The following PIGQ variants were observed in gnomAD, a reference collection of about 807,000 sequenced individuals.
PIGQ encodes phosphatidylinositol glycan anchor biosynthesis class Q.
Under a neutral mutation model 60.3 loss-of-function variants are expected in PIGQ, and 54 were observed. The ratio of observed to expected loss-of-function variants is 0.90; its 90% CI spans 0.72 to 1.12. The LOEUF is 1.12. Among genes scored for constraint, PIGQ ranks in the 50% most tolerant of loss-of-function variants. The pLI is 0.00. For synonymous variants in PIGQ, 416 were observed against 363.7 expected, an observed-to-expected ratio of 1.14 and a Z score of -1.64; for missense variants, 799 against 793.5, an observed-to-expected ratio of 1.01 and a Z score of -0.08.
chr16:578,913 T>C lies in PIGQ; in HGVS notation c.1198T>C (p.Tyr400His). The stretch of plus-strand genomic sequence containing the variant: ...TATCGCCCTCCTCACCTTCCACATC[T>C]ACTGCTTTTACGTCTATGGAGCCAG... ...DIIALLTFHI[Y>H]CFYVYGARLY... The change falls in exon 6 of 11, where the codon TAC becomes CAC. Residue 400 changes from tyrosine to histidine, a missense_variant. Coordinates refer to ENST00000321878, the MANE Select transcript of PIGQ (RefSeq NM_004204.5). The C allele has an allele frequency of 6.2e-7, 1 of 1,611,974 alleles. No homozygotes were observed. Among genetic ancestry groups the C allele is most frequent in the Non-Finnish European group, 8.5e-7 (1 of 1,179,174 alleles).
chr16:571,711 A>G (rs1256525006), intron 1 of PIGQ, among the ~76,000 whole-genome samples: 3 of 150,880 alleles, frequency 2.0e-5, no homozygotes, highest in Non-Finnish European at 2.9e-5. Context: ...CTTCTCTTTC[A>G]TCTTCCTCTG....
chr16:576,609 G>GCCAGGGTCATGAAACCTTTCCTGT (rs1299032166), intron 4 of PIGQ: 2 of 481,720 alleles, frequency 4.2e-6, no homozygotes, highest in African/African-American at 3.9e-5. Context: ...CCTCTGCAGA[G>GCCAGGGTCATGAAACCTTTCCTGT]CCAGGGTCAT....
At chr16:571,034 C>CACCGTGGCTAGCCTGGT (rs2035609087) in intron 1 of PIGQ, among the ~76,000 whole-genome samples, 1 of 124,962 alleles carries the variant, frequency 8.0e-6, no homozygotes, top group East Asian at 2.4e-4. Flanking sequence ...GCTAGCCTGG[C>CACCGTGGCTAGCCTGGT]GCCCGTGTGT....
chr16:574,114 A>G lies in PIGQ; in HGVS notation c.40A>G (p.Thr14Ala), dbSNP rs2071979. 720,895 of 1,609,226 alleles carry G rather than the reference A, an allele frequency of 0.45. 166,056 individuals are homozygous for G. Among genetic ancestry groups the G allele is most frequent in the East Asian group, 0.66 (29,718 of 44,810 alleles). Residue 14 changes from threonine to alanine, a missense_variant, in exon 2 of 11, where the codon ACG (threonine) becomes GCG (alanine). Coordinates refer to ENST00000321878, the MANE Select transcript of PIGQ (RefSeq NM_004204.5). ...CTTCTTCCCCACGTGCTGCGTCTCG[A>G]CGGACAGCGGGCTGCTGGTGGGACG... Reference protein sequence around the residue: ...KAFFPTCCVSTDSGLLVGRWV... With the variant: ...KAFFPTCCVSADSGLLVGRWV...
intron 4 of PIGQ, 175 bp from the exon 5 acceptor site, chr16:578,204 C>A: frequency 1.6e-6 from 1 of 627,018 alleles, no homozygotes; most frequent in African/African-American, 1.8e-5. Context: ...CTCCTCAGAC[C>A]CCAATCCCGG....
In PIGQ at chr16:578,867, CCT is replaced by C; in HGVS notation, c.1153_1154del (p.Leu385ValfsTer57). 6.2e-7 allele frequency: 1 copy of C among 1,613,832 alleles called. No individual in the cohort carries two copies. The highest frequency in any genetic ancestry group is 8.5e-7 in the Non-Finnish European group (1 of 1,179,956). ...CGGCCTGCCTGGGCCTGACGGTGGC[CCT>C]GTCCCTCCTCTCGGACATTATCGCC... ...LSACLGLTVA[L>X]SLLSDIIALL... is the part of the protein sequence containing the mutation. On this transcript the variant is annotated frameshift_variant, in exon 6 of 11. Transcript: ENST00000321878. LOFTEE classifies it high-confidence loss of function.
chr16:580,329 TGGGA>T, intron 8 of PIGQ, 66 bp downstream of exon 8: 2 of 1,292,518 alleles, frequency 1.5e-6, no homozygotes, highest in Non-Finnish European at 2.2e-6. Flanking sequence ...CAGCGCTGCC[TGGGA>T]GCAGTCAGCT....
intron 2 of PIGQ, 36 bp from the exon 3 acceptor site, chr16:575,803 G>C (rs1040618846): frequency 6.5e-7 from 1 of 1,545,844 alleles, no homozygotes; most frequent in African/African-American, 1.4e-5. Context: ...GGAGGATCTG[G>C]AGAGGGACAC....
At chr16:582,704 G>A (rs1420549593) in intron 10 of PIGQ, 179 bp from the exon 11 acceptor site, 11 of 715,018 alleles carry the variant, frequency 1.5e-5, no homozygotes, top group Non-Finnish European at 2.1e-5. Context: ...TCCCCCCAGC[G>A]CTCCCTTCTG....
At chr16:579,280 C>T (rs936217589) in intron 7 of PIGQ, 100 bp downstream of exon 7, 23 of 887,246 alleles carry the variant, frequency 2.6e-5, no homozygotes, top group Admixed American at 6.1e-5. Flanking sequence ...AGCCTGCTCC[C>T]GTCCTGCAGC....
At chr16:574,847 G>A (rs757591521) in intron 2 of PIGQ, 84 bp downstream of exon 2, 365 of 1,078,830 alleles carry the variant, frequency 3.4e-4, no homozygotes, top group Non-Finnish European at 4.6e-4. Flanking sequence ...GGGCACAGAG[G>A]CCCAGATGCG....
chr16:573,989 C>T (rs898755571), intron 1 of PIGQ, 77 bp from the exon 2 acceptor site: 11 of 1,027,558 alleles, frequency 1.1e-5, no homozygotes, highest in South Asian at 3.2e-5. Context: ...CCTGTCAGGC[C>T]GTCTGTGCAA....
rs112667694 is a variant in PIGQ, at chr16:578,432, C to T, written c.996C>T (p.Ala332=). 2,755 of 1,612,512 alleles carry T rather than the reference C, an allele frequency of 1.7e-3. 2 individuals carry two copies. The highest frequency in any genetic ancestry group is 2.2e-3 in the Non-Finnish European group (2,603 of 1,179,836). The change falls in exon 5 of 11, where the codon GCC becomes GCT. Residue 332 remains alanine, a synonymous_variant. Transcript: ENST00000321878. ...HLLQWLMGAP[A]GLKMNRALDQ... ...TGCAGTGGCTGATGGGTGCTCCCGC[C>T]GGGCTCAAGATGAACCGTGCACTGG...
chr16:572,090 GT>G (rs777447390), intron 1 of PIGQ, among the ~76,000 whole-genome samples: 2 of 152,170 alleles, frequency 1.3e-5, no homozygotes, highest in African/African-American at 2.4e-5. Context: ...GTTTTCCTTA[GT>G]CCCTGTGAAA....
rs147905228 is a variant in PIGQ at position 575,947 on chromosome 16, G to T, written c.798G>T (p.Ala266=). 6.3e-7 allele frequency: 1 copy of T among 1,585,362 alleles called. No homozygotes were observed. The highest frequency in any genetic ancestry group is 8.6e-7 in the Non-Finnish European group (1 of 1,166,292). ...HLTLIFSTRK[A]ENPAQLMRKA... ...CGCTAATCTTCAGTACACGGAAGGC[G>T]GAGAACCCTGCCCAGCTGATGAGGT... Residue 266 remains alanine (A), a synonymous_variant, in exon 3 of 11, where the codon GCG becomes GCT. Coordinates refer to ENST00000321878, the MANE Select transcript of PIGQ (RefSeq NM_004204.5).
In PIGQ at chr16:572,502, C is replaced by T. The variant is rs909651382; in HGVS notation, c.-9-1564C>T. On this transcript the variant is annotated intron_variant, in intron 1 of 10. Transcript: ENST00000321878. ...CCTCTTCCAGAGCCCCTCCAAGCTT[C>T]GGGAGAGGACTTACAGGTCACACCA... 3.1e-5 allele frequency: 14 copies of T among 456,098 alleles called. No individual in the cohort carries two copies. The East Asian group carries it at 6.9e-4, about 23-fold the overall frequency. 28.3% of individuals were successfully genotyped at this position (456,098 alleles called of 1,614,324 possible).
intron 4 of PIGQ, chr16:576,761 GC>G (rs2035726020): frequency 2.5e-6 from 1 of 394,254 alleles, no homozygotes; most frequent in Non-Finnish European, 4.5e-6. Context: ...CATGGTCTGT[GC>G]CCCGTTTCCA....
Position 575,894 on chromosome 16 carries a change from C to A in PIGQ, c.745C>A (p.Gln249Lys), listed in dbSNP as rs759856468. ...FLGSKLSTCE[Q>K]LRHRLEHLTL... ...CGGGAGCAAACTCTCCACGTGCGAA[C>A]AGCTCCGGCACCGGCTGGAGCACCT... The change falls in exon 3 of 11, where the codon CAG becomes AAG. Residue 249 changes from glutamine (Q) to lysine (K), a missense_variant. Gln to Lys is a moderately conservative substitution (Grantham distance 53). Coordinates refer to ENST00000321878, the MANE Select transcript of PIGQ (RefSeq NM_004204.5). 10 of 1,576,490 alleles carry A rather than the reference C, an allele frequency of 6.3e-6. No individual in the cohort carries two copies. The highest frequency in any genetic ancestry group is 2.3e-5 in the East Asian group (1 of 43,134).
chr16:579,342 C>T (rs951905496), intron 7 of PIGQ, 162 bp downstream of exon 7: 15 of 622,698 alleles, frequency 2.4e-5, no homozygotes, highest in Non-Finnish European at 3.4e-5. Flanking sequence ...GTGGGCTGCA[C>T]GTGGGGCTCT....
Sources: gnomAD v4.1 joint callset for allele counts (sites outside exome capture counted in the v4.1 genomes callset) on GRCh38, gnomAD v4.1.1 for gene constraint, MANE v1.5 for transcripts, NCBI Gene and HGNC (gene_info 2026-07-23, HGNC 2026-07-21) for gene names.